RTN1: variants seen among roughly 807,000 people sequenced by gnomAD.
The protein encoded by RTN1 is reticulon-1.
RTN1 carries 25 observed loss-of-function variants against 65.5 expected under a neutral mutation model. That is an observed-to-expected ratio of 0.38 (90% confidence interval 0.28 to 0.53). The LOEUF (loss-of-function observed/expected upper bound fraction) is 0.53. RTN1 is among the 20% of genes least tolerant of loss of function. The pLI, the probability that RTN1 is intolerant of heterozygous loss-of-function variation, is 0.79. For missense variants in RTN1, 983 were observed against 1,025.4 expected (o/e 0.96, Z 0.57); for synonymous variants, 471 against 447.6 (o/e 1.05, Z -0.66).
intron 2 of RTN1, among the ~76,000 whole-genome samples, chr14:59,728,709 T>C (rs886837060): frequency 2.6e-5 from 4 of 152,234 alleles, no homozygotes; most frequent in African/African-American, 9.6e-5. Flanking sequence ...GCTTTAGGAC[T>C]GTGGGAGAAC....
intron 3 of RTN1, among the ~76,000 whole-genome samples, chr14:59,619,370 G>A (rs1882194044): frequency 6.6e-6 from 1 of 152,184 alleles, no homozygotes; most frequent in African/African-American, 2.4e-5. Context: ...TGAGATCAGA[G>A]ATGAAATGAG....
chr14:59,749,606 TATATATTTATATAG>T (rs1885374896), intron 1 of RTN1, among the ~76,000 whole-genome samples: 1 of 61,996 alleles, frequency 1.6e-5, no homozygotes, highest in African/African-American at 1.1e-4. Flanking sequence ...TATCTATCTA[TATATATTTATATAG>T]ATATCTATAT....
At chr14:59,706,863 G>A (rs1884305421) in intron 3 of RTN1, among the ~76,000 whole-genome samples, 1 of 152,176 alleles carries the variant, frequency 6.6e-6, no homozygotes. Context: ...AGGATTTGTA[G>A]CTGAAGTCAA....
At chr14:59,758,188 C>T (rs1047767385) in intron 1 of RTN1, among the ~76,000 whole-genome samples, 4 of 152,166 alleles carry the variant, frequency 2.6e-5, no homozygotes, top group African/African-American at 9.7e-5. Context: ...TAGACAGACA[C>T]TTACCACCTT....
chr14:59,805,618 A>G (rs1179215857), intron 1 of RTN1, among the ~76,000 whole-genome samples: 2 of 152,242 alleles, frequency 1.3e-5, no homozygotes, highest in Non-Finnish European at 2.9e-5. Flanking sequence ...AAAGGCTTGT[A>G]TAGTATCATA....
At chr14:59,657,627 A>C (rs1883149579) in intron 3 of RTN1, among the ~76,000 whole-genome samples, 1 of 152,180 alleles carries the variant, frequency 6.6e-6, no homozygotes, top group South Asian at 2.1e-4. Context: ...TGCCTCACCC[A>C]GGAAGTGCAA....
chr14:59,750,093 AT>A (rs1432048319), intron 1 of RTN1, among the ~76,000 whole-genome samples: 10 of 57,602 alleles, frequency 1.7e-4, no homozygotes, highest in East Asian at 8.1e-4. Flanking sequence ...AGACATATAT[AT>A]TATATATTAT....
intron 3 of RTN1, among the ~76,000 whole-genome samples, chr14:59,634,429 C>T (rs1023985117): frequency 2.0e-5 from 3 of 152,170 alleles, no homozygotes; most frequent in African/African-American, 4.8e-5. Flanking sequence ...CAGTTTGGCA[C>T]ATAACCCACT....
intron 1 of RTN1, among the ~76,000 whole-genome samples, chr14:59,838,196 G>A (rs909215811): frequency 1.3e-5 from 2 of 152,132 alleles, no homozygotes; most frequent in Non-Finnish European, 2.9e-5. Context: ...GTGGGAACAC[G>A]GAGTATTTGG....
At chr14:59,762,528 C>T (rs73313771) in intron 1 of RTN1, among the ~76,000 whole-genome samples, 12,183 of 152,058 alleles carry the variant, frequency 0.08, 1,552 homozygotes, top group African/African-American at 0.28. Flanking sequence ...AGATTTAGGG[C>T]AATATGACTC....
chr14:59,602,845 C>A lies in RTN1; in HGVS notation c.2288+220G>T, dbSNP rs187682161. Among the ~76,000 whole-genome samples, 213 of 152,128 alleles carry A rather than the reference C, an allele frequency of 1.4e-3. 2 individuals are homozygous for A. The highest frequency in any genetic ancestry group is 3.2e-4 in the Non-Finnish European group (22 of 67,950). ...GCATTCATTAAAACTTATTATGAAACCTGAATAAACCACTGGGTTTAATTT... is the reference window on the plus strand; with the variant it reads ...GCATTCATTAAAACTTATTATGAAAACTGAATAAACCACTGGGTTTAATTT... On this transcript the variant is annotated intron_variant, in intron 8 of 8. Transcript: ENST00000267484.
intron 3 of RTN1, among the ~76,000 whole-genome samples, chr14:59,611,606 T>C (rs141567895): frequency 9.6e-4 from 146 of 152,210 alleles, no homozygotes; most frequent in Non-Finnish European, 1.5e-3. Context: ...AGCTCCACCA[T>C]GGGGTGTCTG....
At chr14:59,689,143 C>A (rs994319602) in intron 3 of RTN1, among the ~76,000 whole-genome samples, 1 of 151,980 alleles carries the variant, frequency 6.6e-6, no homozygotes, top group African/African-American at 2.4e-5. Flanking sequence ...AATTGAAAAA[C>A]TCATTTAAGA....
chr14:59,615,098 G>A (rs901099716), intron 3 of RTN1, among the ~76,000 whole-genome samples: 1 of 152,176 alleles, frequency 6.6e-6, no homozygotes, highest in African/African-American at 2.4e-5. Context: ...AATTCTGTGG[G>A]TATAAACCAG....
At chr14:59,732,247 G>T (rs1184765555) in intron 2 of RTN1, among the ~76,000 whole-genome samples, 1 of 152,192 alleles carries the variant, frequency 6.6e-6, no homozygotes, top group African/African-American at 2.4e-5. Flanking sequence ...ATGGAAGCAG[G>T]CCCCTGGTCA....
intron 3 of RTN1, among the ~76,000 whole-genome samples, chr14:59,659,006 T>G (rs748271759): frequency 1.3e-5 from 2 of 152,150 alleles, no homozygotes; most frequent in Non-Finnish European, 2.9e-5. Flanking sequence ...AGACGAATTG[T>G]TAACTAGAAT....
intron 1 of RTN1, among the ~76,000 whole-genome samples, chr14:59,844,075 T>C (rs1169906269): frequency 6.6e-6 from 1 of 152,184 alleles, no homozygotes; most frequent in Non-Finnish European, 1.5e-5. Context: ...CAGGCTGGTT[T>C]AGCAATGGAG....
At position 59,737,449 on chromosome 14, in the gene RTN1, T is replaced by A. The variant is rs371213238; in HGVS notation, c.1015+8259A>T. Among the ~76,000 whole-genome samples, 35 of 152,236 alleles carry A rather than the reference T, an allele frequency of 2.3e-4. No homozygotes were observed. The East Asian group carries it at 5.6e-3, about 24-fold the overall frequency. On this transcript the variant is annotated intron_variant, in intron 2 of 8. Coordinates refer to ENST00000267484, the MANE Select transcript of RTN1 (RefSeq NM_021136.3). ...AAAATAAAATACCTAGGAATACAGC[T>A]AACAAGGGATGTGAAGGACCTCTTC...
At position 59,870,415 on chromosome 14, in the gene RTN1, G is replaced by T. The variant is rs1009168261; in HGVS notation, c.216C>A (p.Pro72=). The T allele has an allele frequency of 6.6e-7, 1 of 1,524,684 alleles. No individual in the cohort carries two copies. Among genetic ancestry groups the T allele is most frequent in the South Asian group, 1.2e-5 (1 of 82,362 alleles). The allele number at this position is 1,524,684 out of a possible 1,614,324, so 94.4% of individuals were successfully genotyped here. The change falls in exon 1 of 9, where the codon CCC becomes CCA. Residue 72 remains proline, a synonymous_variant. Transcript: ENST00000267484. The surrounding 1 kb of genome is among the most constrained non-coding windows in gnomAD (Gnocchi z 5.1). ...CTGTGGATGCAGTTTCCATGGCAAC[G>T]GGCGACTGCCGGGCGGGGCCCGAGC... The part of the protein sequence containing the change: ...EAGSGPARQS[P]VAMETASTGV...
Sources: gnomAD v4.1 joint callset for allele counts (sites outside exome capture counted in the v4.1 genomes callset) on GRCh38, gnomAD v4.1.1 for gene constraint, Gnocchi (gnomAD v3.1) non-coding constraint, MANE v1.5 for transcripts, NCBI Gene and HGNC (gene_info 2026-07-23, HGNC 2026-07-21) for gene names.